The following KATNAL1 variants were observed in gnomAD, a reference collection of about 807,000 sequenced individuals.
KATNAL1 encodes katanin catalytic subunit A1 like 1, also known as katanin p60 ATPase-containing subunit A-like 1.
In KATNAL1, 32 loss-of-function variants were observed where a neutral mutation model predicts 55.2. The observed-to-expected ratio is 0.58, with a 90% CI of 0.44 to 0.78. KATNAL1 has a LOEUF of 0.78. Ranked by LOEUF, KATNAL1 falls within the 30% of genes least tolerant of loss-of-function variation. The pLI, the probability that KATNAL1 is intolerant of heterozygous loss-of-function variation, is 0.00. For synonymous variants in KATNAL1, 193 were observed against 193.6 expected (o/e 1.00, Z 0.02); for missense variants, 466 against 600.9 (o/e 0.78, Z 2.35).
chr13:30,260,621 C>T (rs569738967), intron 3 of KATNAL1, among the ~76,000 whole-genome samples: 2 of 151,844 alleles, frequency 1.3e-5, no homozygotes, highest in African/African-American at 2.4e-5. Context: ...AGGGTATCAG[C>T]GATGGAAGAT....
intron 1 of KATNAL1, among the ~76,000 whole-genome samples, chr13:30,298,211 T>C (rs1177542742): frequency 1.3e-5 from 2 of 152,206 alleles, no homozygotes; most frequent in East Asian, 3.8e-4. Context: ...GCCCACAGTA[T>C]CTCTCAAGTA....
chr13:30,269,197 T>C (rs936836203), intron 3 of KATNAL1, among the ~76,000 whole-genome samples: 9 of 152,224 alleles, frequency 5.9e-5, no homozygotes, highest in Non-Finnish European at 1.3e-4. Context: ...TTCTCCTGCC[T>C]CAGCCTGCTG....
At chr13:30,300,119 T>C (rs1882767928) in intron 1 of KATNAL1, among the ~76,000 whole-genome samples, 1 of 152,202 alleles carries the variant, frequency 6.6e-6, no homozygotes, top group Non-Finnish European at 1.5e-5. Flanking sequence ...CATAATTCCT[T>C]TTACAAATGA....
chr13:30,238,056 C>T lies in KATNAL1; in HGVS notation c.726+2404G>A, dbSNP rs80086619. On this transcript the variant is annotated intron_variant, in intron 6 of 10. Transcript: ENST00000380615. Reference sequence around the variant, plus strand: ...CACTTCTGAACGTGCTCTTTGCCTCCCGTCTTTCTGTGCTCATTGCAACCA... The same window carrying T: ...CACTTCTGAACGTGCTCTTTGCCTCTCGTCTTTCTGTGCTCATTGCAACCA... Among the ~76,000 whole-genome samples the T allele has an allele frequency of 9.1e-3, 1,390 of 152,222 alleles. 24 individuals carry two copies. Among genetic ancestry groups the T allele is most frequent in the African/African-American group, 0.032 (1,331 of 41,530 alleles).
chr13:30,293,846 T>C (rs1370224296), intron 1 of KATNAL1, among the ~76,000 whole-genome samples: 2 of 152,246 alleles, frequency 1.3e-5, no homozygotes, highest in African/African-American at 2.4e-5. Flanking sequence ...GCCATTTTTC[T>C]AACAGCATGT....
At chr13:30,223,451 A>C (rs1296178745) in intron 9 of KATNAL1, among the ~76,000 whole-genome samples, 2 of 150,638 alleles carry the variant, frequency 1.3e-5, no homozygotes, top group Non-Finnish European at 3.0e-5. Context: ...CAAAAAAAAA[A>C]AAAAAAAAAA....
chr13:30,211,147 C>T (rs983497766), intron 9 of KATNAL1, among the ~76,000 whole-genome samples: 3 of 152,228 alleles, frequency 2.0e-5, no homozygotes, highest in Admixed American at 1.3e-4. Flanking sequence ...GTTTATCTGG[C>T]GCTCTACTAT....
chr13:30,227,679 G>A (rs1875645627), intron 8 of KATNAL1, 133 bp from the exon 9 acceptor site: 2 of 716,984 alleles, frequency 2.8e-6, no homozygotes, highest in African/African-American at 1.8e-5. Context: ...CTGTGTGGTG[G>A]CAAAACCAGA....
At chr13:30,269,513 C>T (rs1166693630) in intron 3 of KATNAL1, among the ~76,000 whole-genome samples, 3 of 152,114 alleles carry the variant, frequency 2.0e-5, no homozygotes, top group African/African-American at 7.2e-5. Context: ...AAGTGAGGAG[C>T]GTCTCTGCCT....
intron 3 of KATNAL1, among the ~76,000 whole-genome samples, chr13:30,266,012 CAAAAAAAAAAAA>C (rs776557665): frequency 5.7e-5 from 2 of 35,360 alleles, no homozygotes; most frequent in Non-Finnish European, 1.0e-4. Flanking sequence ...AACTCCATCT[CAAAAAAAAAAAA>C]AAAAAAAAAA....
At chr13:30,243,608 C>CAAAAAAAAA (rs139687662) in intron 4 of KATNAL1, among the ~76,000 whole-genome samples, 2 of 86,466 alleles carry the variant, frequency 2.3e-5, no homozygotes, top group African/African-American at 5.9e-5. Context: ...GGTATTAAGC[C>CAAAAAAAAA]AAAAAAAAAA....
At chr13:30,294,365 C>T (rs930397258) in intron 1 of KATNAL1, among the ~76,000 whole-genome samples, 1 of 152,318 alleles carries the variant, frequency 6.6e-6, no homozygotes, top group Non-Finnish European at 1.5e-5. Flanking sequence ...AGCCTTATTG[C>T]TGATATGGAG....
intron 9 of KATNAL1, among the ~76,000 whole-genome samples, chr13:30,217,239 T>A (rs1874376690): frequency 6.6e-6 from 1 of 151,962 alleles, no homozygotes; most frequent in African/African-American, 2.4e-5. Flanking sequence ...GATCATGAGG[T>A]CAGGAGATCG....
chr13:30,237,602 C>T (rs1279078080), intron 6 of KATNAL1, among the ~76,000 whole-genome samples: 2 of 151,936 alleles, frequency 1.3e-5, no homozygotes, highest in African/African-American at 4.8e-5. Context: ...GAGAAAAGTT[C>T]ATCCCAGAGA....
At chr13:30,230,654 A>T (rs1048253036) in intron 7 of KATNAL1, 60 bp from the exon 8 acceptor site, 98 of 1,325,712 alleles carry the variant, frequency 7.4e-5, no homozygotes, top group East Asian at 6.9e-4. Flanking sequence ...TGGAGTATTT[A>T]AAAAAATCTT....
rs35744981 is a variant in KATNAL1 at position 30,292,035 on chromosome 13, C to CA, written c.-14-8245dup. Among the ~76,000 whole-genome samples, 63 of 149,148 alleles carry CA rather than the reference C, an allele frequency of 4.2e-4. 1 individual carries two copies. The East Asian group carries it at 7.1e-3, about 17-fold the overall frequency. On this transcript the variant is annotated intron_variant, in intron 1 of 10. Transcript: ENST00000380615. ...AGGCAACAAGAGCGAAACTCCATCTCAAAAAAAAATAAAGTTACGGTAATC... is the reference window on the plus strand; with the variant it reads ...AGGCAACAAGAGCGAAACTCCATCTCAAAAAAAAAATAAAGTTACGGTAATC...
At chr13:30,287,430 C>T (rs372447575) in intron 1 of KATNAL1, among the ~76,000 whole-genome samples, 43 of 152,316 alleles carry the variant, frequency 2.8e-4, no homozygotes, top group East Asian at 1.3e-3. Flanking sequence ...GAAGAGGTGC[C>T]TTCCGCCATG....
chr13:30,268,695 G>A (rs1177997127), intron 3 of KATNAL1, among the ~76,000 whole-genome samples: 1 of 152,052 alleles, frequency 6.6e-6, no homozygotes, highest in Admixed American at 6.5e-5. Flanking sequence ...TTTGAGAAAA[G>A]AACTGTTAGT....
chr13:30,219,549 C>A (rs1253790051), intron 9 of KATNAL1, among the ~76,000 whole-genome samples: 1 of 152,152 alleles, frequency 6.6e-6, no homozygotes, highest in Non-Finnish European at 1.5e-5. Context: ...TCTTTAACAA[C>A]AAGGAATGAA....
Sources: allele counts gnomAD v4.1 joint callset (sites outside exome capture counted in the v4.1 genomes callset), GRCh38; gene constraint gnomAD v4.1.1; transcripts MANE v1.5; gene names NCBI Gene and HGNC (gene_info 2026-07-23, HGNC 2026-07-21).